KIF5B: variants seen among roughly 807,000 people sequenced by gnomAD.
The protein encoded by KIF5B is kinesin-1 heavy chain.
Under a neutral mutation model 132.8 loss-of-function variants are expected in KIF5B, and 49 were observed. The ratio of observed to expected loss-of-function variants is 0.37; its 90% confidence interval spans 0.29 to 0.47. The LOEUF (loss-of-function observed/expected upper bound fraction) is 0.47, where lower values mean the gene tolerates loss of function less well. Ranked by LOEUF, KIF5B falls within the 20% of genes least tolerant of loss-of-function variation. The pLI, the probability that KIF5B is intolerant of heterozygous loss-of-function variation, is 1.00. For synonymous variants in KIF5B, 355 were observed against 369.4 expected (o/e 0.96, Z 0.45); for missense variants, 780 against 1,144.0 (o/e 0.68, Z 4.59).
At chr10:32,035,772 T>C (rs536350226) in intron 9 of KIF5B, 105 bp from the exon 10 acceptor site, 38 of 1,340,388 alleles carry the variant, frequency 2.8e-5, no homozygotes, top group South Asian at 1.4e-4. Flanking sequence ...TTCAAACACA[T>C]TGAATCTCAA....
intron 19 of KIF5B, 42 bp downstream of exon 19, chr10:32,020,980 T>A: frequency 9.3e-7 from 1 of 1,072,830 alleles, no homozygotes; most frequent in Non-Finnish European, 1.4e-6. Flanking sequence ...TGACCATCAG[T>A]AACCGATTCT....
At chr10:32,033,173 A>G (rs1169936872) in intron 12 of KIF5B, among the ~76,000 whole-genome samples, 1 of 152,058 alleles carries the variant, frequency 6.6e-6, no homozygotes, top group African/African-American at 2.4e-5. Flanking sequence ...GTTTCCCTTA[A>G]TCTCTCACAT....
intron 1 of KIF5B, among the ~76,000 whole-genome samples, chr10:32,054,558 T>C (rs1841730045): frequency 6.6e-6 from 1 of 152,216 alleles, no homozygotes; most frequent in African/African-American, 2.4e-5. Flanking sequence ...CTTTCAATCA[T>C]CCATGTCCCA....
At chr10:32,026,860 T>C (rs961488219) in intron 15 of KIF5B, among the ~76,000 whole-genome samples, 2 of 152,120 alleles carry the variant, frequency 1.3e-5, no homozygotes, top group Non-Finnish European at 1.5e-5. Flanking sequence ...ATAAACAGAA[T>C]AGGGCCGAAA....
chr10:32,017,127 A>T lies in KIF5B; in HGVS notation c.2761+16T>A. 6.3e-7 allele frequency: 1 copy of T among 1,596,952 alleles called. No individual in the cohort carries two copies. Among genetic ancestry groups the T allele is most frequent in the Non-Finnish European group, 8.6e-7 (1 of 1,164,380 alleles). On this transcript the variant is annotated intron_variant, in intron 24 of 25. Transcript: ENST00000302418. ...AAATTGAGCAAGGTTTAAAGGTTTT[A>T]ATGTGTTCTACTAACCAATCTGTGC...
In KIF5B at chr10:32,056,142, G is replaced by A. The variant is rs1841760374; in HGVS notation, c.-169C>T. 10 of 713,792 alleles carry A rather than the reference G, an allele frequency of 1.4e-5. No homozygotes were observed. The East Asian group carries it at 2.7e-4, about 19-fold the overall frequency. The allele number at this position is 713,792 out of a possible 1,614,324, so 44.2% of individuals were successfully genotyped here. A position where few individuals can be genotyped will look rare whatever the true frequency, so the allele number is the denominator to read the frequency against. On this transcript the variant is annotated 5_prime_UTR_variant, in exon 1 of 26. Transcript: ENST00000302418. ...GGCGGCCGGGGAGCCGGGACTTGAA[G>A]AGCCGGCGCCGGCAGCCGTTAACCC...
rs1841186271 is a variant in KIF5B at position 32,017,338 on chromosome 10, G to A, written c.2566C>T (p.Leu856Phe). The A allele has an allele frequency of 6.2e-7, 1 of 1,613,970 alleles. No homozygotes were observed. Among genetic ancestry groups the A allele is most frequent in the Non-Finnish European group, 8.5e-7 (1 of 1,179,870 alleles). Residue 856 changes from leucine to phenylalanine, a missense_variant, in exon 24 of 26, where the codon CTC (leucine) becomes TTC (phenylalanine). Physicochemically the swap from Leu to Phe is conservative, Grantham distance 22. This residue lies in a region of KIF5B where 32 missense variants were observed against 71.1 expected (regional missense o/e 0.45). Transcript: ENST00000302418. Reference protein sequence around the residue: ...HKQLVRDNADLRCELPKLEKR... With the variant: ...HKQLVRDNADFRCELPKLEKR... ...TCCAACTTAGGAAGTTCACAGCGGA[G>A]ATCTGCATTATCACGTACCAACTAA...
chr10:32,037,764 C>A (rs1564468602), intron 6 of KIF5B, among the ~76,000 whole-genome samples, 157 bp from the exon 7 acceptor site: 1 of 151,998 alleles, frequency 6.6e-6, no homozygotes, highest in Non-Finnish European at 1.5e-5. Context: ...GCCTGGGAGG[C>A]AAAGGTTGCA....
intron 1 of KIF5B, among the ~76,000 whole-genome samples, chr10:32,052,841 G>C (rs1053463049): frequency 6.6e-6 from 1 of 152,044 alleles, no homozygotes; most frequent in East Asian, 1.9e-4. Context: ...TGTATTAAAG[G>C]CTGTACAGCA....
Position 32,031,177 on chromosome 10 carries a change from G to A in KIF5B, c.1477C>T (p.Gln493Ter). The A allele has an allele frequency of 1.2e-6, 2 of 1,613,872 alleles. No homozygotes were observed. The highest frequency in any genetic ancestry group is 1.7e-6 in the Non-Finnish European group (2 of 1,179,846). ...TTGACAGCAAGTTCTTCTAGGGCCT[G>A]TAAAACTTCTTTCACTTCTTCTTTA... ...ASKEEVKEVL[Q>*]ALEELAVNYD... is the part of the protein sequence containing the mutation. The change falls in exon 14 of 26, where the codon CAG (glutamine) becomes TAG (stop). Residue 493 changes from glutamine (Q) to a stop codon, truncating the protein, a stop_gained. Transcript: ENST00000302418. LOFTEE classifies it high-confidence loss of function.
chr10:32,027,467 G>C (rs1000078993), intron 15 of KIF5B, among the ~76,000 whole-genome samples: 1 of 134,206 alleles, frequency 7.5e-6, no homozygotes, highest in African/African-American at 2.6e-5. Flanking sequence ...AGAGTTCATT[G>C]TATTATTCTC....
chr10:32,018,435 GAAT>G (rs1214443329), intron 21 of KIF5B, 48 bp from the exon 22 acceptor site: 6 of 1,582,412 alleles, frequency 3.8e-6, no homozygotes, highest in Admixed American at 1.9e-5. Context: ...TTTAAATTTA[GAAT>G]AATCATGGTA....
intron 7 of KIF5B, 36 bp downstream of exon 7, chr10:32,037,484 G>A (rs762871032): frequency 2.5e-6 from 4 of 1,589,038 alleles, no homozygotes; most frequent in Admixed American, 1.7e-5. Flanking sequence ...ATTTTAAGCT[G>A]GTTTTAAATC....
At position 32,010,051 on chromosome 10, in the gene KIF5B, A is replaced by G. The variant is rs549215987; in HGVS notation, c.*1486T>C. 2.6e-5 allele frequency: 4 copies of G among 152,348 alleles called. No homozygotes were observed. The highest frequency in any genetic ancestry group is 7.2e-5 in the African/African-American group (3 of 41,596). 9.4% of individuals were successfully genotyped at this position (152,348 alleles called of 1,614,324 possible). A position where few individuals can be genotyped will look rare whatever the true frequency, so the allele number is the denominator to read the frequency against. On this transcript the variant is annotated 3_prime_UTR_variant, in exon 26 of 26. Coordinates refer to ENST00000302418, the MANE Select transcript of KIF5B (RefSeq NM_004521.3). ...CAATTATGATCTGAGTCTTCTGACT[A>G]TGGCTCCAAATTTAATACAAATATC...
chr10:32,035,445 AAC>A, intron 10 of KIF5B, 75 bp downstream of exon 10: 5 of 1,296,522 alleles, frequency 3.9e-6, no homozygotes, highest in Middle Eastern at 2.4e-4. Flanking sequence ...AGGTTGGAAT[AAC>A]AGCTCACATT....
At chr10:32,018,850 C>T (rs1337426359) in intron 20 of KIF5B, among the ~76,000 whole-genome samples, 1 of 152,052 alleles carries the variant, frequency 6.6e-6, no homozygotes, top group Non-Finnish European at 1.5e-5. Context: ...CAGGCATGTA[C>T]AATCAGCCCT....
At chr10:32,032,564 T>G (rs1841415169) in intron 13 of KIF5B, 142 bp downstream of exon 13, 1 of 667,994 alleles carries the variant, frequency 1.5e-6, no homozygotes, top group Non-Finnish European at 2.7e-6. Context: ...AAGTAAAAAT[T>G]CACTTTATCC....
At chr10:32,055,786 A>G (rs561475210) in intron 1 of KIF5B, 62 bp downstream of exon 1, 30 of 1,589,556 alleles carry the variant, frequency 1.9e-5, no homozygotes, top group East Asian at 4.5e-5. Context: ...CCACTTCCCT[A>G]AACTCCCCGC....
chr10:32,041,047 A>T (rs1471385176), intron 2 of KIF5B, among the ~76,000 whole-genome samples: 2 of 151,084 alleles, frequency 1.3e-5, no homozygotes, highest in African/African-American at 4.9e-5. Flanking sequence ...TCGAAAGACT[A>T]AGGCACAAAA....
Sources: allele counts gnomAD v4.1 joint callset (sites outside exome capture counted in the v4.1 genomes callset), GRCh38; gene constraint gnomAD v4.1.1; regional missense constraint gnomAD v4.1.1; transcripts MANE v1.5; gene names NCBI Gene and HGNC (gene_info 2026-07-23, HGNC 2026-07-21).